Variants in ATP11C observed in about 807,000 individuals in gnomAD.
ATP11C encodes phospholipid-transporting ATPase IG.
ATP11C carries 36 observed loss-of-function variants against 97.4 expected under a neutral mutation model. That is an observed-to-expected ratio of 0.37 (90% CI 0.28 to 0.49). ATP11C has a LOEUF of 0.49. ATP11C is among the 20% of genes least tolerant of loss of function. ATP11C has a pLI of 0.98. For missense variants in ATP11C, 730 were observed against 824.6 expected (o/e 0.89, Z 1.40); for synonymous variants, 275 against 290.9 (o/e 0.95, Z 0.56).
At chrX:139,738,738 C>T (rs1279747594) in intron 27 of ATP11C, among the ~76,000 whole-genome samples, 2 of 110,788 alleles carry the variant, frequency 1.8e-5, no homozygotes, top group Non-Finnish European at 3.8e-5. Flanking sequence ...GTAAAGTGGC[C>T]ATTGAGAAGC....
rs1192812503 is a variant in ATP11C at position 139,726,602 on chromosome X, A to G, written c.*2364T>C. On this transcript the variant is annotated 3_prime_UTR_variant, in exon 30 of 30. Transcript: ENST00000682941. The stretch of plus-strand genomic sequence containing the variant: ...TAAAAAATTCCATCACTAAATTATT[A>G]CGAATTTTGCAAAGTTAGGCTTACA... 8.9e-6 allele frequency: 1 copy of G among 112,758 alleles called. No homozygotes were observed. The highest frequency in any genetic ancestry group is 2.8e-4 in the East Asian group (1 of 3,600). The allele number at this position is 112,758 out of a possible 1,213,427, so 9.3% of individuals were successfully genotyped here.
At chrX:139,797,068 G>C (rs1212879646) in intron 11 of ATP11C, 108 bp downstream of exon 11, 2 of 660,849 alleles carry the variant, frequency 3.0e-6, no homozygotes, top group Non-Finnish European at 4.5e-6. Flanking sequence ...ATGTAATCGA[G>C]AGAAAATTCA....
At chrX:139,795,021 G>A (rs1479973115) in intron 12 of ATP11C, among the ~76,000 whole-genome samples, 1 of 111,852 alleles carries the variant, frequency 8.9e-6, no homozygotes, top group African/African-American at 3.2e-5. Context: ...CATGCACTCT[G>A]CAAATTGATG....
chrX:139,896,878 T>C (rs970610728), intron 1 of ATP11C, among the ~76,000 whole-genome samples: 1 of 110,451 alleles, frequency 9.1e-6, no homozygotes, highest in East Asian at 2.8e-4. Context: ...AATAATATAT[T>C]AATATTGGCT....
intron 5 of ATP11C, among the ~76,000 whole-genome samples, chrX:139,805,123 AT>A (rs982497503): frequency 1.8e-4 from 20 of 109,194 alleles, no homozygotes; most frequent in African/African-American, 3.7e-4. Flanking sequence ...AAATATTTGA[AT>A]TTTTTTTTTC....
intron 27 of ATP11C, among the ~76,000 whole-genome samples, chrX:139,738,833 G>A (rs149104391): frequency 3.6e-5 from 4 of 110,390 alleles, no homozygotes; most frequent in African/African-American, 1.3e-4. Flanking sequence ...AGGTGAGGGG[G>A]AAGAAGTGGT....
In ATP11C at chrX:139,745,739, G is replaced by A; in HGVS notation, c.2947C>T (p.Leu983=). 1 of 1,204,320 alleles carries A rather than the reference G, an allele frequency of 8.3e-7. No homozygotes were observed. The highest frequency in any genetic ancestry group is 2.2e-5 in the Admixed American group (1 of 45,036). Residue 983 remains leucine, a synonymous_variant, in exon 25 of 30, where the codon CTA becomes TTA. Transcript: ENST00000682941. ...CTTTTTACCTTTCCATTTTCTTCTA[G>A]GGATGCAGTCTGAAAAAGAAAGTAA... ...GTYFLFQTAS[L]EENGKVYGNW...
At chrX:139,781,399 G>GT (rs1490799436) in intron 18 of ATP11C, among the ~76,000 whole-genome samples, 4 of 112,791 alleles carry the variant, frequency 3.5e-5, no homozygotes, top group Non-Finnish European at 7.5e-5. Flanking sequence ...AGGTCAGCCT[G>GT]TAAGTTAAAA....
At chrX:139,876,042 T>C (rs1420809755) in intron 1 of ATP11C, among the ~76,000 whole-genome samples, 3 of 111,818 alleles carry the variant, frequency 2.7e-5, no homozygotes, top group East Asian at 2.8e-4. Flanking sequence ...ATCTGCAGCA[T>C]CAGGAATTAA....
intron 1 of ATP11C, among the ~76,000 whole-genome samples, chrX:139,849,624 G>A (rs1313329598): frequency 8.9e-6 from 1 of 111,814 alleles, no homozygotes; most frequent in East Asian, 2.8e-4. Context: ...CTGTAGGCTG[G>A]TCCATAGACC....
chrX:139,936,801 C>T (rs1009564123), upstream of ATP11C, among the ~76,000 whole-genome samples: 2 of 111,047 alleles, frequency 1.8e-5, no homozygotes, highest in African/African-American at 3.3e-5. Context: ...ACACCTGTGA[C>T]GAAGGAGCGC....
intron 1 of ATP11C, among the ~76,000 whole-genome samples, chrX:139,845,403 G>C (rs1285924817): frequency 8.9e-6 from 1 of 112,180 alleles, no homozygotes; most frequent in Non-Finnish European, 1.9e-5. Flanking sequence ...AACAATAAAT[G>C]TTTAAAGCAA....
intron 5 of ATP11C, among the ~76,000 whole-genome samples, chrX:139,810,988 A>G (rs2083163762): frequency 9.0e-6 from 1 of 110,815 alleles, no homozygotes; most frequent in South Asian, 3.8e-4. Context: ...TCTTGAGAGC[A>G]TGAACCATCT....
At chrX:139,887,205 C>T (rs1330758974) in intron 1 of ATP11C, among the ~76,000 whole-genome samples, 1 of 111,751 alleles carries the variant, frequency 8.9e-6, no homozygotes, top group Non-Finnish European at 1.9e-5. Flanking sequence ...AAAAGTCAAC[C>T]GGAAATTCAT....
At chrX:139,826,461 A>C (rs1468088306) in intron 2 of ATP11C, among the ~76,000 whole-genome samples, 1 of 111,438 alleles carries the variant, frequency 9.0e-6, no homozygotes, top group Non-Finnish European at 1.9e-5. Context: ...TAATATGCAT[A>C]ATCAACAAGC....
At chrX:139,910,763 A>G (rs997830531) in intron 1 of ATP11C, among the ~76,000 whole-genome samples, 7 of 111,068 alleles carry the variant, frequency 6.3e-5, no homozygotes, top group African/African-American at 2.0e-4. Context: ...ACAACATGGA[A>G]TTCCTTGAAT....
At chrX:139,841,956 G>T (rs746403165) in intron 1 of ATP11C, among the ~76,000 whole-genome samples, 1 of 112,015 alleles carries the variant, frequency 8.9e-6, no homozygotes, top group African/African-American at 3.2e-5. Flanking sequence ...TCAAAGACAG[G>T]CCCATTGCTA....
intron 1 of ATP11C, among the ~76,000 whole-genome samples, chrX:139,866,271 G>C (rs1440796664): frequency 1.0e-5 from 1 of 98,720 alleles, no homozygotes; most frequent in Non-Finnish European, 2.0e-5. Flanking sequence ...TTGAATCTAG[G>C]AAGCAGAGTT....
chrX:139,820,667 T>C (rs1311286590), intron 2 of ATP11C, among the ~76,000 whole-genome samples: 6 of 109,700 alleles, frequency 5.5e-5, no homozygotes, highest in Non-Finnish European at 9.5e-5. Context: ...AAAAGTTTCA[T>C]GCTGAATTGC....
Sources: gnomAD v4.1 joint callset for allele counts (sites outside exome capture counted in the v4.1 genomes callset) on GRCh38, gnomAD v4.1.1 for gene constraint, MANE v1.5 for transcripts, NCBI Gene and HGNC (gene_info 2026-07-23, HGNC 2026-07-21) for gene names.